Variants in FANCL observed in about 807,000 individuals in gnomAD.
FANCL encodes the protein E3 ubiquitin-protein ligase FANCL.
FANCL carries 69 observed loss-of-function variants against 59.4 expected under a neutral mutation model. The ratio of observed to expected loss-of-function variants is 1.16; its 90% CI spans 0.96 to 1.42. FANCL has a LOEUF of 1.42. Among genes scored for constraint, FANCL ranks in the 40% most tolerant of loss-of-function variants. The pLI, the probability that FANCL is intolerant of heterozygous loss-of-function variation, is 0.00. For missense variants in FANCL, 519 were observed against 447.2 expected, an observed-to-expected ratio of 1.16 and a Z score of -1.45; for synonymous variants, 180 against 147.1, an observed-to-expected ratio of 1.22 and a Z score of -1.62.
Position 58,162,863 on chromosome 2 carries a change from T to C in FANCL, c.903+3A>G, listed in dbSNP as rs1685411965. The stretch of plus-strand genomic sequence containing the variant: ...GGAATATCAAAACACTGATAAAACT[T>C]ACAGATTTTTCCAGGATAGCACGAG... On this transcript the variant is annotated splice_donor_region_variant and intron_variant, in intron 11 of 13. Coordinates refer to ENST00000233741, the MANE Select transcript of FANCL (RefSeq NM_018062.4). 6.2e-7 allele frequency: 1 copy of C among 1,609,672 alleles called. No individual in the cohort carries two copies. The highest frequency in any genetic ancestry group is 1.3e-5 in the African/African-American group (1 of 74,784).
chr2:58,199,653 T>C (rs1198013026), intron 6 of FANCL, among the ~76,000 whole-genome samples: 1 of 152,118 alleles, frequency 6.6e-6, no homozygotes, highest in Admixed American at 6.5e-5. Context: ...AGGCAAAAGA[T>C]AAAATTTCTT....
chr2:58,212,146 C>T (rs1271730577), intron 5 of FANCL, among the ~76,000 whole-genome samples: 1 of 152,210 alleles, frequency 6.6e-6, no homozygotes, highest in Non-Finnish European at 1.5e-5. Context: ...ATTGGACTTA[C>T]AGTTCCACAT....
chr2:58,180,129 G>C (rs1230327741), intron 7 of FANCL, among the ~76,000 whole-genome samples: 1 of 152,172 alleles, frequency 6.6e-6, no homozygotes, highest in South Asian at 2.1e-4. Context: ...TGGTCGAAGT[G>C]TAAATTAGTT....
In FANCL at chr2:58,159,321, C is replaced by T; in HGVS notation, c.*444G>A. 6.5e-7 allele frequency: 1 copy of T among 1,531,942 alleles called. No individual in the cohort carries two copies. Among genetic ancestry groups the T allele is most frequent in the Non-Finnish European group, 8.8e-7 (1 of 1,134,990 alleles). The allele number at this position is 1,531,942 out of a possible 1,614,324, so 94.9% of individuals were successfully genotyped here. A position where few individuals can be genotyped will look rare whatever the true frequency, so the allele number is the denominator to read the frequency against. The stretch of plus-strand genomic sequence containing the variant: ...ACTTGGATAACTCACGTCTAACAAA[C>T]TAAACTATATATGTATTTTTTCCAT... On this transcript the variant is annotated 3_prime_UTR_variant, in exon 14 of 14. Transcript: ENST00000233741.
intron 8 of FANCL, 117 bp downstream of exon 8, chr2:58,165,607 A>T: frequency 7.4e-7 from 1 of 1,342,746 alleles, no homozygotes; most frequent in Non-Finnish European, 1.0e-6. Flanking sequence ...TATACTAGAA[A>T]ATTTTAATAG....
At chr2:58,214,806 C>A (rs1691545154) in intron 5 of FANCL, among the ~76,000 whole-genome samples, 1 of 152,142 alleles carries the variant, frequency 6.6e-6, no homozygotes, top group African/African-American at 2.4e-5. Context: ...AGCCACCACA[C>A]CTGGCCCATG....
chr2:58,224,598 A>T (rs1692799895), intron 4 of FANCL, among the ~76,000 whole-genome samples: 1 of 151,938 alleles, frequency 6.6e-6, no homozygotes, highest in African/African-American at 2.4e-5. Context: ...AATATGTAGT[A>T]GCTGCTGCTA....
At chr2:58,220,930 T>G (rs992416857) in intron 5 of FANCL, among the ~76,000 whole-genome samples, 6 of 152,090 alleles carry the variant, frequency 3.9e-5, no homozygotes, top group Non-Finnish European at 8.8e-5. Context: ...GTGATAAGAA[T>G]TGCCGGGCGT....
At chr2:58,197,660 C>T (rs1245452226) in intron 7 of FANCL, among the ~76,000 whole-genome samples, 1 of 152,166 alleles carries the variant, frequency 6.6e-6, no homozygotes, top group African/African-American at 2.4e-5. Flanking sequence ...CGAAATTCAA[C>T]TGACAGAAGC....
At chr2:58,236,869 G>GAAAAAA (rs1694072261) in intron 1 of FANCL, among the ~76,000 whole-genome samples, 1 of 152,006 alleles carries the variant, frequency 6.6e-6, no homozygotes, top group Admixed American at 6.6e-5. Context: ...AGATAAAAAA[G>GAAAAAA]GTCATTTCAT....
At position 58,163,532 on chromosome 2, in the gene FANCL, G is replaced by C. The variant is rs370449029; in HGVS notation, c.692-15C>G. On this transcript the variant is annotated splice_polypyrimidine_tract_variant and intron_variant, in intron 8 of 13. Transcript: ENST00000233741. Reference sequence around the variant, plus strand: ...AACATTATTACCTAGAATGAAACAAGATTAAATCTTTTAGAAGTAGAACAG... The same window carrying C: ...AACATTATTACCTAGAATGAAACAACATTAAATCTTTTAGAAGTAGAACAG... The C allele has an allele frequency of 6.6e-7, 1 of 1,512,198 alleles. No individual in the cohort carries two copies. The highest frequency in any genetic ancestry group is 1.7e-5 in the Admixed American group (1 of 59,606). The allele number at this position is 1,512,198 out of a possible 1,614,324, so 93.7% of individuals were successfully genotyped here. A position where few individuals can be genotyped will look rare whatever the true frequency, so the allele number is the denominator to read the frequency against.
chr2:58,185,326 G>A (rs757520179), intron 7 of FANCL, among the ~76,000 whole-genome samples: 8 of 152,056 alleles, frequency 5.3e-5, no homozygotes, highest in Non-Finnish European at 5.9e-5. Flanking sequence ...TGACTGTTCC[G>A]TATACGGGCT....
chr2:58,161,035 C>T (rs1685076814), intron 12 of FANCL, among the ~76,000 whole-genome samples: 1 of 152,012 alleles, frequency 6.6e-6, no homozygotes. Flanking sequence ...TGCTGTGAGA[C>T]TCAGATCACA....
intron 12 of FANCL, among the ~76,000 whole-genome samples, 182 bp from the exon 13 acceptor site, chr2:58,160,361 G>T (rs1392060375): frequency 1.3e-5 from 2 of 151,980 alleles, no homozygotes; most frequent in African/African-American, 4.8e-5. Flanking sequence ...AAGATGTTGA[G>T]TAACAAGGGA....
intron 7 of FANCL, among the ~76,000 whole-genome samples, chr2:58,197,497 T>A (rs1689549254): frequency 6.6e-6 from 1 of 152,160 alleles, no homozygotes; most frequent in Non-Finnish European, 1.5e-5. Flanking sequence ...GTGAAAGAAC[T>A]ATGCCCTAAC....
At chr2:58,181,043 T>A (rs1687893016) in intron 7 of FANCL, among the ~76,000 whole-genome samples, 1 of 152,012 alleles carries the variant, frequency 6.6e-6, no homozygotes, top group African/African-American at 2.4e-5. Flanking sequence ...TACCTTAACC[T>A]GGCAATTCTA....
At chr2:58,175,200 G>A (rs1396693813) in intron 7 of FANCL, among the ~76,000 whole-genome samples, 1 of 147,602 alleles carries the variant, frequency 6.8e-6, no homozygotes, top group Admixed American at 6.7e-5. Flanking sequence ...AATTCTACCA[G>A]AGGTACAAGG....
rs766785357 is a variant in FANCL, at chr2:58,217,791, C to CA, written c.374+4150dup. Among the ~76,000 whole-genome samples, 283 of 122,942 alleles carry CA rather than the reference C, an allele frequency of 2.3e-3. 2 individuals carry two copies. Among genetic ancestry groups the CA allele is most frequent in the African/African-American group, 4.9e-3 (166 of 33,710 alleles). 80.7% of individuals were successfully genotyped at this position (122,942 alleles called of 152,430 possible). Reference sequence around the variant, plus strand: ...CTCCAGAGCTCTCAGGACAAGCGGACAAAAAAAAAAAATAAATCATTAAAC... The same window carrying CA: ...CTCCAGAGCTCTCAGGACAAGCGGACAAAAAAAAAAAAATAAATCATTAAAC... On this transcript the variant is annotated intron_variant, in intron 5 of 13. Coordinates refer to ENST00000233741, the MANE Select transcript of FANCL (RefSeq NM_018062.4).
intron 7 of FANCL, among the ~76,000 whole-genome samples, chr2:58,176,314 A>G (rs1486513983): frequency 6.6e-6 from 1 of 152,126 alleles, no homozygotes; most frequent in Non-Finnish European, 1.5e-5. Context: ...AAGAGCCCGC[A>G]TCGCCAAGTC....
Sources: allele counts gnomAD v4.1 joint callset (sites outside exome capture counted in the v4.1 genomes callset), GRCh38; gene constraint gnomAD v4.1.1; transcripts MANE v1.5; gene names NCBI Gene and HGNC (gene_info 2026-07-23, HGNC 2026-07-21).